The following LEPR variants were observed in gnomAD, a reference collection of about 807,000 sequenced individuals.
The protein encoded by LEPR is OB receptor.
Under a neutral mutation model 114.7 loss-of-function variants are expected in LEPR, and 56 were observed. That is an observed-to-expected ratio of 0.49 (90% CI 0.39 to 0.61). LEPR has a LOEUF of 0.61. LEPR is among the 20% of genes least tolerant of loss of function. The pLI is 0.00. For missense variants in LEPR, 1,202 were observed against 1,352.9 expected (o/e 0.89, Z 1.75); for synonymous variants, 443 against 461.4 (o/e 0.96, Z 0.51).
intron 2 of LEPR, among the ~76,000 whole-genome samples, chr1:65,529,973 CTATG>C (rs1650270568): frequency 1.3e-5 from 2 of 152,166 alleles, no homozygotes; most frequent in South Asian, 4.1e-4. Flanking sequence ...TGCAATCTCT[CTATG>C]TGTGTGTGTT....
At chr1:65,556,900 G>A (rs1652850450) in intron 2 of LEPR, among the ~76,000 whole-genome samples, 1 of 152,100 alleles carries the variant, frequency 6.6e-6, no homozygotes, top group Non-Finnish European at 1.5e-5. Flanking sequence ...TGGTCAATGT[G>A]TTAATAAGAT....
intron 8 of LEPR, among the ~76,000 whole-genome samples, chr1:65,600,316 C>T (rs3790422): frequency 0.47 from 71,106 of 151,738 alleles, 17,853 homozygotes; most frequent in East Asian, 0.88. Context: ...TGGTCTGGCT[C>T]CTGTGCAGTA....
intron 2 of LEPR, among the ~76,000 whole-genome samples, chr1:65,519,144 C>CTTCCTTCCTTCCTTCCTTCCT (rs1649501199): frequency 7.0e-6 from 1 of 143,202 alleles, no homozygotes; most frequent in Non-Finnish European, 1.5e-5. Flanking sequence ...TCCTTCCTTC[C>CTTCCTTCCTTCCTTCCTTCCT]TTCCTTCCTT....
chr1:65,432,751 C>T (rs1052532152), intron 2 of LEPR: 2 of 549,492 alleles, frequency 3.6e-6, no homozygotes, highest in African/African-American at 4.1e-5. Flanking sequence ...ACTTGCACAG[C>T]ATGCTAAATA....
intron 2 of LEPR, among the ~76,000 whole-genome samples, chr1:65,548,939 G>T (rs921956998): frequency 5.9e-5 from 9 of 152,184 alleles, no homozygotes; most frequent in African/African-American, 2.2e-4. Context: ...TTTTGCAGTG[G>T]CTGGTACCAG....
At chr1:65,588,438 A>G (rs777634334) in intron 5 of LEPR, among the ~76,000 whole-genome samples, 1 of 152,058 alleles carries the variant, frequency 6.6e-6, no homozygotes, top group Non-Finnish European at 1.5e-5. Flanking sequence ...AATAAGCTGT[A>G]CATATTTAAA....
chr1:65,592,900 A>C, intron 6 of LEPR, 35 bp downstream of exon 6: 3 of 1,606,152 alleles, frequency 1.9e-6, no homozygotes, highest in Non-Finnish European at 2.6e-6. Context: ...TAATAGGTCT[A>C]AACATCAGTC....
intron 2 of LEPR, among the ~76,000 whole-genome samples, chr1:65,548,873 T>C (rs1183512158): frequency 1.3e-5 from 2 of 152,208 alleles, no homozygotes; most frequent in African/African-American, 2.4e-5. Flanking sequence ...GGTTATTTTG[T>C]TCATTAGTTG....
At chr1:65,484,811 C>A (rs1456073581) in intron 2 of LEPR, among the ~76,000 whole-genome samples, 2 of 152,124 alleles carry the variant, frequency 1.3e-5, no homozygotes, top group Non-Finnish European at 2.9e-5. Flanking sequence ...TCAGATGCAT[C>A]CTTCAATATG....
intron 2 of LEPR, among the ~76,000 whole-genome samples, chr1:65,482,570 A>G (rs1647274538): frequency 6.6e-6 from 1 of 152,200 alleles, no homozygotes; most frequent in Admixed American, 6.5e-5. Flanking sequence ...CATTGCTGAA[A>G]ACCAGTGAAA....
Position 65,617,357 on chromosome 1 carries a change from A to G in LEPR, c.2213-607A>G, listed in dbSNP as rs1268899311. 2.0e-5 allele frequency among the ~76,000 whole-genome samples: 3 copies of G among 152,330 alleles called. No individual in the cohort carries two copies. The East Asian group carries it at 5.8e-4, about 29-fold the overall frequency. On this transcript the variant is annotated intron_variant, in intron 15 of 19. Coordinates refer to ENST00000349533, the MANE Select transcript of LEPR (RefSeq NM_002303.6). ...GTACTGAACTGAAATCTGAAATGTGAGTAGGAATTAAACTTCCCCAAAAGA... is the reference window on the plus strand; with the variant it reads ...GTACTGAACTGAAATCTGAAATGTGGGTAGGAATTAAACTTCCCCAAAAGA...
chr1:65,601,557 A>G lies in LEPR; in HGVS notation c.1160A>G (p.His387Arg), dbSNP rs745468576. ...AGCCAGTATGATGTTGTGAGTGATC[A>G]TGTTAGCAAAGTTACTTTTTTCAAT... ...PQSQYDVVSD[H>R]VSKVTFFNLN... The change falls in exon 9 of 20, where the codon CAT (histidine) becomes CGT (arginine). Residue 387 changes from histidine (H) to arginine (R), a missense_variant. His to Arg is a conservative substitution (Grantham distance 29). Coordinates refer to ENST00000349533, the MANE Select transcript of LEPR (RefSeq NM_002303.6). 1.9e-6 allele frequency: 3 copies of G among 1,613,732 alleles called. No homozygotes were observed. The African/African-American group carries it at 4.0e-5, about 22-fold the overall frequency.
At chr1:65,596,394 A>G (rs1042580936) in intron 6 of LEPR, 54 bp from the exon 7 acceptor site, 5 of 1,598,118 alleles carry the variant, frequency 3.1e-6, no homozygotes, top group Admixed American at 1.7e-5. Context: ...TTATTCAGCT[A>G]TAATTGTCAT....
chr1:65,423,556 G>A (rs1021937345), intron 1 of LEPR, among the ~76,000 whole-genome samples: 1 of 152,118 alleles, frequency 6.6e-6, no homozygotes, highest in Non-Finnish European at 1.5e-5. Flanking sequence ...TCATCTGAAT[G>A]AAATAGTATG....
intron 2 of LEPR, among the ~76,000 whole-genome samples, chr1:65,549,328 T>A (rs1225401746): frequency 6.6e-6 from 1 of 151,050 alleles, no homozygotes; most frequent in East Asian, 1.9e-4. Context: ...TGGCGTTCTC[T>A]GTATTTCCTG....
chr1:65,501,173 C>T (rs552432393), intron 2 of LEPR, among the ~76,000 whole-genome samples: 1 of 152,070 alleles, frequency 6.6e-6, no homozygotes, highest in East Asian at 1.9e-4. Context: ...TTTCCTAGGA[C>T]TGCCTTTAAA....
chr1:65,470,850 T>G (rs1483417181), intron 2 of LEPR, among the ~76,000 whole-genome samples: 3 of 152,234 alleles, frequency 2.0e-5, no homozygotes, highest in African/African-American at 7.2e-5. Context: ...AACTAGGTAA[T>G]TCTAAAAACA....
intron 2 of LEPR, among the ~76,000 whole-genome samples, chr1:65,474,434 G>C (rs1293994831): frequency 2.0e-5 from 3 of 152,162 alleles, no homozygotes; most frequent in African/African-American, 7.2e-5. Flanking sequence ...AAAAGGACAT[G>C]TGTTCTTATA....
intron 2 of LEPR, among the ~76,000 whole-genome samples, chr1:65,469,801 C>G (rs1316347573): frequency 6.6e-6 from 1 of 152,142 alleles, no homozygotes; most frequent in Admixed American, 6.5e-5. Flanking sequence ...GCTTTAACAC[C>G]AATAAGTGCG....
Sources: gnomAD v4.1 joint callset for allele counts (sites outside exome capture counted in the v4.1 genomes callset) on GRCh38, gnomAD v4.1.1 for gene constraint, MANE v1.5 for transcripts, NCBI Gene and HGNC (gene_info 2026-07-23, HGNC 2026-07-21) for gene names.